PPFIBP2: variants seen among roughly 807,000 people sequenced by gnomAD.
PPFIBP2 encodes PPFIB scaffold protein 2.
Under a neutral mutation model 118.3 loss-of-function variants are expected in PPFIBP2, and 118 were observed. The observed-to-expected ratio is 1.00, with a 90% confidence interval of 0.86 to 1.16. The LOEUF (loss-of-function observed/expected upper bound fraction) is 1.16. Ranked by LOEUF, PPFIBP2 falls within the 50% of genes most tolerant of loss-of-function variation. The pLI, the probability that PPFIBP2 is intolerant of heterozygous loss-of-function variation, is 0.00. For synonymous variants in PPFIBP2, 414 were observed against 397.4 expected, an observed-to-expected ratio of 1.04 and a Z score of -0.50; for missense variants, 1,195 against 1,073.1, an observed-to-expected ratio of 1.11 and a Z score of -1.59.
chr11:7,633,227 C>T (rs1189833021), intron 12 of PPFIBP2, among the ~76,000 whole-genome samples: 5 of 152,190 alleles, frequency 3.3e-5, no homozygotes, highest in Non-Finnish European at 5.9e-5. Flanking sequence ...AGCAGCTCCT[C>T]AGAGCTGAGA....
intron 1 of PPFIBP2, among the ~76,000 whole-genome samples, chr11:7,516,984 G>A (rs978536169): frequency 6.6e-6 from 1 of 152,092 alleles, no homozygotes; most frequent in African/African-American, 2.4e-5. Context: ...ACTTAGGGGT[G>A]GTGTGGGCTC....
At chr11:7,645,109 A>G (rs1437188054) in intron 17 of PPFIBP2, among the ~76,000 whole-genome samples, 1 of 150,860 alleles carries the variant, frequency 6.6e-6, no homozygotes, top group African/African-American at 2.4e-5. Flanking sequence ...TTTTACTGCA[A>G]CTTTCCCTTG....
At chr11:7,530,473 A>T (rs1850592176) in intron 1 of PPFIBP2, among the ~76,000 whole-genome samples, 2 of 152,148 alleles carry the variant, frequency 1.3e-5, no homozygotes, top group Non-Finnish European at 2.9e-5. Flanking sequence ...ATGAGAGTGG[A>T]GCCCTCATGC....
intron 3 of PPFIBP2, among the ~76,000 whole-genome samples, chr11:7,574,819 G>A (rs1335942594): frequency 1.3e-5 from 2 of 152,042 alleles, no homozygotes; most frequent in Non-Finnish European, 2.9e-5. Flanking sequence ...TAGGTCTTTT[G>A]GGGTGTTAAT....
chr11:7,653,701 C>T lies in PPFIBP2; in HGVS notation c.*483C>T. 2.3e-6 allele frequency: 3 copies of T among 1,278,570 alleles called. No individual in the cohort carries two copies. The highest frequency in any genetic ancestry group is 3.0e-6 in the Non-Finnish European group (3 of 983,924). 79.2% of individuals were successfully genotyped at this position (1,278,570 alleles called of 1,614,324 possible). A position where few individuals can be genotyped will look rare whatever the true frequency, so the allele number is the denominator to read the frequency against. The stretch of plus-strand genomic sequence containing the variant: ...CAGTGACAATGGAATTGTGTTGTGC[C>T]TTACTTCAGAGGTGGTCTCTTCTTT... On this transcript the variant is annotated 3_prime_UTR_variant, in exon 24 of 24. Transcript: ENST00000299492.
chr11:7,595,422 T>A (rs187710096), intron 4 of PPFIBP2, among the ~76,000 whole-genome samples: 1 of 152,340 alleles, frequency 6.6e-6, no homozygotes, highest in East Asian at 1.9e-4. Context: ...ACATTCCTAT[T>A]TACAGAGGAT....
the PPFIBP2 span, among the ~76,000 whole-genome samples, chr11:7,662,316 T>G: frequency 9.9e-5 from 15 of 152,238 alleles, no homozygotes; most frequent in Non-Finnish European, 1.9e-4. Context: ...TAGCACTTCC[T>G]TCAGGAGCTC....
intron 9 of PPFIBP2, 100 bp from the exon 10 acceptor site, chr11:7,629,359 T>G: frequency 8.5e-7 from 1 of 1,174,362 alleles, no homozygotes. Context: ...CCACGTGGGA[T>G]TTCTTCTCCT....
chr11:7,537,957 T>A (rs1213468736), intron 1 of PPFIBP2, among the ~76,000 whole-genome samples: 1 of 151,920 alleles, frequency 6.6e-6, no homozygotes, highest in African/African-American at 2.4e-5. Context: ...AATCAGTGCT[T>A]GAGTTGGGAA....
intron 1 of PPFIBP2, among the ~76,000 whole-genome samples, chr11:7,547,193 C>T (rs955871213): frequency 1.3e-5 from 2 of 152,228 alleles, no homozygotes; most frequent in African/African-American, 2.4e-5. Context: ...GAAGCCCTCT[C>T]TGATACTTTG....
intron 21 of PPFIBP2, among the ~76,000 whole-genome samples, chr11:7,650,155 C>G (rs1298375311): frequency 6.6e-6 from 1 of 152,144 alleles, no homozygotes; most frequent in Admixed American, 6.6e-5. Flanking sequence ...CACCCCAAGT[C>G]TTGAAGAAAT....
At chr11:7,601,713 A>G (rs1347789515) in intron 5 of PPFIBP2, among the ~76,000 whole-genome samples, 1 of 152,184 alleles carries the variant, frequency 6.6e-6, no homozygotes, top group African/African-American at 2.4e-5. Flanking sequence ...TAATCCCAGC[A>G]CTTTGGGAGG....
At chr11:7,640,739 C>T (rs1590756349) in intron 15 of PPFIBP2, among the ~76,000 whole-genome samples, 1 of 152,182 alleles carries the variant, frequency 6.6e-6, no homozygotes, top group East Asian at 1.9e-4. Context: ...TGCCTGTGGC[C>T]TGGAGTATTC....
chr11:7,610,386 G>A lies in PPFIBP2; in HGVS notation c.582G>A (p.Glu194=), dbSNP rs1565052784. 2 of 1,614,112 alleles carry A rather than the reference G, an allele frequency of 1.2e-6. No homozygotes were observed. ...TCAAGCTGGTTGGCATGGAGAAGGAGCAGAGAGAGCAGGAGGAGAAGCAGA... is the reference window on the plus strand; with the variant it reads ...TCAAGCTGGTTGGCATGGAGAAGGAACAGAGAGAGCAGGAGGAGAAGCAGA... The part of the protein sequence containing the change: ...LKLKLVGMEK[E]QREQEEKQRK... Residue 194 remains glutamate, a synonymous_variant, in exon 6 of 24, where the codon GAG becomes GAA. Transcript: ENST00000299492.
At position 7,653,347 on chromosome 11, in the gene PPFIBP2, CT is replaced by C; in HGVS notation, c.*130del. On this transcript the variant is annotated 3_prime_UTR_variant, in exon 24 of 24. Transcript: ENST00000299492. ...AGAATATTCCAGCAATTGTGTACCC[CT>C]GGGCCAGTCTCTTTGAACCCTGAGG... is the stretch of plus-strand genomic sequence containing the variant. 6.7e-7 allele frequency: 1 copy of C among 1,493,588 alleles called. No homozygotes were observed. Among genetic ancestry groups the C allele is most frequent in the Non-Finnish European group, 8.9e-7 (1 of 1,125,678 alleles). The allele number at this position is 1,493,588 out of a possible 1,614,324, so 92.5% of individuals were successfully genotyped here.
chr11:7,572,385 C>A (rs549343711), intron 3 of PPFIBP2, among the ~76,000 whole-genome samples: 26 of 152,274 alleles, frequency 1.7e-4, no homozygotes, highest in Middle Eastern at 3.4e-3. Context: ...ATCCCTGCCC[C>A]CCAAAGTAAA....
chr11:7,596,932 A>G (rs766150683), intron 4 of PPFIBP2, among the ~76,000 whole-genome samples: 4 of 152,212 alleles, frequency 2.6e-5, no homozygotes, highest in Non-Finnish European at 4.4e-5. Context: ...CTTCAGAAAG[A>G]TGACTTTTTT....
At chr11:7,542,535 TTA>T (rs1467934123) in intron 1 of PPFIBP2, among the ~76,000 whole-genome samples, 2 of 152,268 alleles carry the variant, frequency 1.3e-5, no homozygotes, top group Non-Finnish European at 2.9e-5. Flanking sequence ...CTTAATTTTT[TTA>T]GTCATGTATT....
intron 15 of PPFIBP2, chr11:7,640,919 CTT>C (rs2135890147): frequency 3.4e-6 from 3 of 880,910 alleles, no homozygotes; most frequent in South Asian, 2.9e-5. Flanking sequence ...GTTTTTCTCT[CTT>C]GCTCGATGAC....
Sources: allele counts gnomAD v4.1 joint callset (sites outside exome capture counted in the v4.1 genomes callset), GRCh38; gene constraint gnomAD v4.1.1; transcripts MANE v1.5; gene names NCBI Gene and HGNC (gene_info 2026-07-23, HGNC 2026-07-21).